NALCN: variants seen among roughly 807,000 people sequenced by gnomAD.
NALCN encodes the protein sodium leak channel, non-selective, also known as sodium leak channel NALCN.
A neutral mutation model predicts 225.3 loss-of-function variants in NALCN; 111 were observed. The observed-to-expected ratio is 0.49, with a 90% CI of 0.42 to 0.58. The LOEUF is 0.58. Ranked by LOEUF, NALCN falls within the 20% of genes least tolerant of loss-of-function variation. The pLI is 0.00. For missense variants in NALCN, 1,378 were observed against 2,202.4 expected, an observed-to-expected ratio of 0.63 and a Z score of 7.49; for synonymous variants, 764 against 769.0, an observed-to-expected ratio of 0.99 and a Z score of 0.11.
At chr13:101,410,897 C>T (rs2047760859) in intron 1 of NALCN, among the ~76,000 whole-genome samples, 1 of 152,198 alleles carries the variant, frequency 6.6e-6, no homozygotes, top group African/African-American at 2.4e-5. Flanking sequence ...CCTTCCATCA[C>T]TAAGACGTGG....
intron 13 of NALCN, among the ~76,000 whole-genome samples, chr13:101,222,780 G>T (rs1346866853): frequency 6.6e-6 from 1 of 152,170 alleles, no homozygotes; most frequent in Non-Finnish European, 1.5e-5. Flanking sequence ...AAATTTGGAG[G>T]GAGCGGGGCT....
At chr13:101,057,112 T>A (rs372173317) in intron 43 of NALCN, 1 of 150,136 alleles carries the variant, frequency 6.7e-6, no homozygotes, top group Admixed American at 6.6e-5. Flanking sequence ...CTACACATCT[T>A]CTCCTTTCAA....
Position 101,104,285 on chromosome 13 carries a change from AAAG to A in NALCN, c.2889+7_2889+9del, listed in dbSNP as rs764144739. On this transcript the variant is annotated splice_region_variant and intron_variant, in intron 25 of 43. Coordinates refer to ENST00000251127, the MANE Select transcript of NALCN (RefSeq NM_052867.4). This position sits in a 1 kb window ranked among gnomAD's most constrained non-coding sequence, Gnocchi z 4.2. The stretch of plus-strand genomic sequence containing the variant: ...TACATTTTTCATTTAGGCAATAAGC[AAAG>A]ACTTACAAGATATATAAATATGTCC... The A allele has an allele frequency of 3.8e-6, 6 of 1,583,140 alleles. No homozygotes were observed. Among genetic ancestry groups the A allele is most frequent in the Non-Finnish European group, 5.1e-6 (6 of 1,169,958 alleles).
At chr13:101,350,205 T>C (rs1025964761) in intron 6 of NALCN, among the ~76,000 whole-genome samples, 4 of 152,116 alleles carry the variant, frequency 2.6e-5, no homozygotes, top group South Asian at 2.1e-4. Flanking sequence ...ACCTGTAACA[T>C]GGTCTGCAAG....
At chr13:101,187,664 C>T (rs2039505640) in intron 14 of NALCN, among the ~76,000 whole-genome samples, 1 of 152,176 alleles carries the variant, frequency 6.6e-6, no homozygotes, top group African/African-American at 2.4e-5. Context: ...TGCAAAAATG[C>T]AAGCCCAATT....
chr13:101,357,615 T>G (rs1002232642), intron 6 of NALCN, among the ~76,000 whole-genome samples: 7 of 152,072 alleles, frequency 4.6e-5, no homozygotes, highest in Non-Finnish European at 8.8e-5. Flanking sequence ...CTGCCCAAAA[T>G]AAATTATAGA....
chr13:101,147,089 G>T (rs899408621), intron 15 of NALCN, among the ~76,000 whole-genome samples: 49 of 152,154 alleles, frequency 3.2e-4, no homozygotes, highest in African/African-American at 1.1e-3. Flanking sequence ...AGACACAAGG[G>T]CAAATGGTAT....
At position 101,292,467 on chromosome 13, in the gene NALCN, A is replaced by C; in HGVS notation, c.800-101T>G. ...AATATTTATCCATACTTATTTTCTC[A>C]ATGACAAAAGTGCTTCAAAAATTGA... On this transcript the variant is annotated intron_variant, in intron 7 of 43. Transcript: ENST00000251127. This position sits in a 1 kb window ranked among gnomAD's most constrained non-coding sequence, Gnocchi z 4.3. The C allele has an allele frequency of 7.9e-7, 1 of 1,266,614 alleles. No individual in the cohort carries two copies. The highest frequency in any genetic ancestry group is 2.7e-4 in the Middle Eastern group (1 of 3,640). 78.5% of individuals were successfully genotyped at this position (1,266,614 alleles called of 1,614,324 possible).
chr13:101,215,286 T>G (rs2040685436), intron 13 of NALCN, among the ~76,000 whole-genome samples: 1 of 152,152 alleles, frequency 6.6e-6, no homozygotes, highest in Non-Finnish European at 1.5e-5. Flanking sequence ...ATTTCACATG[T>G]GCACAAATCA....
intron 10 of NALCN, among the ~76,000 whole-genome samples, chr13:101,259,633 C>A (rs1205551554): frequency 1.5e-4 from 23 of 150,770 alleles, no homozygotes; most frequent in Admixed American, 1.5e-3. Context: ...CATGCCTGGC[C>A]ATAATGAGTA....
chr13:101,100,799 G>A lies in NALCN; in HGVS notation c.3147C>T (p.Pro1049=). 1 of 1,607,614 alleles carries A rather than the reference G, an allele frequency of 6.2e-7. No homozygotes were observed. Among genetic ancestry groups the A allele is most frequent in the Non-Finnish European group, 8.5e-7 (1 of 1,176,694 alleles). The change falls in exon 27 of 44, where the codon CCC becomes CCT. Residue 1049 remains proline (P), a synonymous_variant. Transcript: ENST00000251127. ...FAGKLAKCND[P]NIIRREDCNG... is the part of the protein sequence containing the mutation. ...TACATCTTACCCTTCTAATAATGTT[G>A]GGATCATTGCACTTGGCCAGTTTTC...
intron 15 of NALCN, among the ~76,000 whole-genome samples, chr13:101,164,718 A>G (rs1174588792): frequency 6.6e-6 from 1 of 152,204 alleles, no homozygotes; most frequent in African/African-American, 2.4e-5. Flanking sequence ...ATTGCTGTTT[A>G]TGTCTTAGTG....
chr13:101,254,196 A>G (rs1223674236), intron 11 of NALCN, among the ~76,000 whole-genome samples: 1 of 151,954 alleles, frequency 6.6e-6, no homozygotes, highest in Non-Finnish European at 1.5e-5. Context: ...CAGCCTGGCT[A>G]ACATGGCGAA....
At chr13:101,264,219 T>C (rs553792798) in intron 10 of NALCN, among the ~76,000 whole-genome samples, 2 of 152,230 alleles carry the variant, frequency 1.3e-5, no homozygotes, top group South Asian at 4.1e-4. Context: ...CATATGTGTG[T>C]GCATATTCTT....
At chr13:101,189,870 G>T (rs898907037) in intron 14 of NALCN, among the ~76,000 whole-genome samples, 3 of 152,176 alleles carry the variant, frequency 2.0e-5, no homozygotes, top group Non-Finnish European at 4.4e-5. Flanking sequence ...ATTAGAGATT[G>T]GTTTTCATCT....
intron 17 of NALCN, among the ~76,000 whole-genome samples, chr13:101,130,981 A>T (rs554554607): frequency 6.6e-6 from 1 of 152,100 alleles, no homozygotes; most frequent in African/African-American, 2.4e-5. Flanking sequence ...GACTTTCTTC[A>T]ATTTGTCATT....
intron 1 of NALCN, among the ~76,000 whole-genome samples, chr13:101,408,641 C>T (rs1302212424): frequency 3.3e-5 from 5 of 152,122 alleles, no homozygotes; most frequent in African/African-American, 2.4e-5. Context: ...GATTTGGCTG[C>T]CTGGTTTTCT....
chr13:101,284,482 C>T (rs1461108400), intron 9 of NALCN, among the ~76,000 whole-genome samples: 1 of 152,046 alleles, frequency 6.6e-6, no homozygotes, highest in Admixed American at 6.6e-5. Flanking sequence ...TGGTATCTTA[C>T]CCTCAAGGCT....
chr13:101,204,849 G>A (rs903544782), intron 13 of NALCN, among the ~76,000 whole-genome samples: 2 of 152,090 alleles, frequency 1.3e-5, no homozygotes, highest in African/African-American at 4.8e-5. Context: ...CACTGAACCA[G>A]GACTAGCATT....
Sources: gnomAD v4.1 joint callset for allele counts (sites outside exome capture counted in the v4.1 genomes callset) on GRCh38, gnomAD v4.1.1 for gene constraint, Gnocchi (gnomAD v3.1) non-coding constraint, MANE v1.5 for transcripts, NCBI Gene and HGNC (gene_info 2026-07-23, HGNC 2026-07-21) for gene names.